ADARB2: variants seen among roughly 807,000 people sequenced by gnomAD.
The protein encoded by ADARB2 is inactive double-stranded RNA-specific editase B2.
Under a neutral mutation model 62.2 loss-of-function variants are expected in ADARB2, and 25 were observed. The ratio of observed to expected loss-of-function variants is 0.40; its 90% CI spans 0.29 to 0.56. ADARB2 has a LOEUF of 0.56. Among genes scored for constraint, ADARB2 ranks in the 20% least tolerant of loss-of-function variants. ADARB2 has a pLI of 0.43. For missense variants in ADARB2, 1,071 were observed against 1,077.4 expected (o/e 0.99, Z 0.08); for synonymous variants, 572 against 500.8 (o/e 1.14, Z -1.90).
At chr10:1,329,187 G>C (rs908119714) in intron 3 of ADARB2, among the ~76,000 whole-genome samples, 2 of 152,178 alleles carry the variant, frequency 1.3e-5, no homozygotes, top group Non-Finnish European at 2.9e-5. Context: ...GCACGACAGA[G>C]AGCATCTCGG....
In ADARB2 at chr10:1,298,664, C is replaced by T. The variant is rs551349764; in HGVS notation, c.1078-27595G>A. ...CAAGCAGGAGCTCCCCTCAAGGGCA[C>T]GTGCCCCACTGCAGAGTGCAGTGCA... is the stretch of plus-strand genomic sequence containing the variant. On this transcript the variant is annotated intron_variant, in intron 3 of 9. Transcript: ENST00000381312. Among the ~76,000 whole-genome samples, 8 of 149,678 alleles carry T rather than the reference C, an allele frequency of 5.3e-5. 1 individual carries two copies. In the South Asian group the frequency reaches 1.1e-3, roughly 20 times the overall value.
At chr10:1,333,813 C>T (rs1324696204) in intron 3 of ADARB2, among the ~76,000 whole-genome samples, 1 of 152,160 alleles carries the variant, frequency 6.6e-6, no homozygotes, top group Non-Finnish European at 1.5e-5. Context: ...TCCAACTTAC[C>T]TGTAATGCCA....
chr10:1,346,221 A>T (rs1330713862), intron 3 of ADARB2, among the ~76,000 whole-genome samples: 2 of 152,104 alleles, frequency 1.3e-5, no homozygotes, highest in African/African-American at 4.8e-5. Context: ...CTCTCATTCC[A>T]CTTTATTACT....
Position 1,189,054 on chromosome 10 carries a change from T to A in ADARB2, c.1865-4015A>T, listed in dbSNP as rs187880793. 3.3e-5 allele frequency among the ~76,000 whole-genome samples: 5 copies of A among 152,214 alleles called. No homozygotes were observed. The East Asian group carries it at 5.8e-4, about 18-fold the overall frequency. ...GCCATGGCCTCGTGCGCTTTCACTC[T>A]CTTTCCATTTCCCCGCAGCCTGAGT... On this transcript the variant is annotated intron_variant, in intron 8 of 9. Coordinates refer to ENST00000381312, the MANE Select transcript of ADARB2 (RefSeq NM_018702.4).
At chr10:1,403,151 C>T (rs1832679519) in intron 1 of ADARB2, among the ~76,000 whole-genome samples, 1 of 152,212 alleles carries the variant, frequency 6.6e-6, no homozygotes, top group Admixed American at 6.5e-5. Context: ...ACCCTGACCC[C>T]AGCCGCTGCT....
At chr10:1,664,101 C>T (rs552196706) in intron 1 of ADARB2, among the ~76,000 whole-genome samples, 2 of 150,992 alleles carry the variant, frequency 1.3e-5, no homozygotes, top group South Asian at 2.1e-4. Flanking sequence ...GGTCAGTGTG[C>T]GGGTTTGTGT....
chr10:1,631,920 C>A (rs1415536111), intron 1 of ADARB2, among the ~76,000 whole-genome samples: 1 of 152,192 alleles, frequency 6.6e-6, no homozygotes, highest in Admixed American at 6.5e-5. Context: ...TCTTCTGAAA[C>A]TGCTACCCAG....
chr10:1,470,995 C>G (rs1831314628), intron 1 of ADARB2, among the ~76,000 whole-genome samples: 1 of 152,052 alleles, frequency 6.6e-6, no homozygotes, highest in Admixed American at 6.5e-5. Context: ...GGAGGCGGAG[C>G]TTGCAGTGAG....
intron 4 of ADARB2, among the ~76,000 whole-genome samples, chr10:1,263,385 G>A (rs1159856813): frequency 6.6e-6 from 1 of 152,172 alleles, no homozygotes; most frequent in South Asian, 2.1e-4. Context: ...GGATGCTAGT[G>A]TCCTTTATTT....
chr10:1,593,951 G>A (rs1833300235), intron 1 of ADARB2, among the ~76,000 whole-genome samples: 1 of 152,168 alleles, frequency 6.6e-6, no homozygotes, highest in Non-Finnish European at 1.5e-5. Flanking sequence ...ACCCATAAGA[G>A]CCATCCAGTC....
intron 6 of ADARB2, among the ~76,000 whole-genome samples, chr10:1,229,847 T>C (rs995917711): frequency 3.8e-5 from 4 of 106,188 alleles, no homozygotes; most frequent in African/African-American, 1.5e-4. Context: ...TGTGCTTACG[T>C]GTGTGTGTGT....
intron 1 of ADARB2, among the ~76,000 whole-genome samples, chr10:1,494,303 C>A (rs1389340651): frequency 1.3e-5 from 2 of 152,114 alleles, no homozygotes; most frequent in East Asian, 3.9e-4. Context: ...GGTCTGAGGT[C>A]AATCAACTAC....
intron 1 of ADARB2, among the ~76,000 whole-genome samples, chr10:1,660,879 TA>T (rs1834237572): frequency 6.6e-6 from 1 of 152,156 alleles, no homozygotes; most frequent in Admixed American, 6.5e-5. Flanking sequence ...TCTCCTTGAT[TA>T]AAAACCACCT....
chr10:1,358,632 G>GT (rs5782577), intron 3 of ADARB2, among the ~76,000 whole-genome samples: 44 of 129,058 alleles, frequency 3.4e-4, no homozygotes, highest in East Asian at 1.1e-3. Context: ...CAAATGGAAA[G>GT]TTTTTTTTTT....
At chr10:1,622,839 GGAAT>G (rs1833721920) in intron 1 of ADARB2, among the ~76,000 whole-genome samples, 1 of 152,134 alleles carries the variant, frequency 6.6e-6, no homozygotes, top group African/African-American at 2.4e-5. Context: ...CCACCTCGGA[GGAAT>G]GAAAACACGT....
intron 1 of ADARB2, among the ~76,000 whole-genome samples, chr10:1,720,296 T>C (rs1166207010): frequency 6.6e-6 from 1 of 152,182 alleles, no homozygotes; most frequent in East Asian, 1.9e-4. Flanking sequence ...ATACCACATG[T>C]TCTCACTTAT....
chr10:1,618,849 C>T (rs551337565), intron 1 of ADARB2, among the ~76,000 whole-genome samples: 30 of 152,264 alleles, frequency 2.0e-4, no homozygotes, highest in African/African-American at 3.4e-4. Flanking sequence ...AAATCACAGG[C>T]GAGATTTCCA....
intron 1 of ADARB2, among the ~76,000 whole-genome samples, chr10:1,599,910 T>G (rs1347509102): frequency 6.6e-6 from 1 of 151,962 alleles, no homozygotes; most frequent in Non-Finnish European, 1.5e-5. Flanking sequence ...CCACACCTAA[T>G]TTTTGTATTT....
At chr10:1,587,593 T>C (rs1261996180) in intron 1 of ADARB2, among the ~76,000 whole-genome samples, 1 of 152,158 alleles carries the variant, frequency 6.6e-6, no homozygotes, top group African/African-American at 2.4e-5. Flanking sequence ...TGTGGGGAGA[T>C]AGCGTGGGTT....
Sources: allele counts gnomAD v4.1 joint callset (sites outside exome capture counted in the v4.1 genomes callset), GRCh38; gene constraint gnomAD v4.1.1; transcripts MANE v1.5; gene names NCBI Gene and HGNC (gene_info 2026-07-23, HGNC 2026-07-21).